Variants in DPYSL4 observed in about 807,000 individuals in gnomAD.
DPYSL4 encodes dihydropyrimidinase like 4.
In DPYSL4, 43 loss-of-function variants were observed where a neutral mutation model predicts 63.4. That is an observed-to-expected ratio of 0.68 (90% CI 0.53 to 0.88). DPYSL4 has a LOEUF of 0.88. DPYSL4 is among the 40% of genes least tolerant of loss of function. The pLI, the probability that DPYSL4 is intolerant of heterozygous loss-of-function variation, is 0.00. For missense variants in DPYSL4, 733 were observed against 819.5 expected (o/e 0.89, Z 1.29); for synonymous variants, 353 against 331.7 (o/e 1.06, Z -0.70).
chr10:132,194,020 C>T (rs1447093034), intron 3 of DPYSL4, among the ~76,000 whole-genome samples: 2 of 152,278 alleles, frequency 1.3e-5, no homozygotes, highest in Non-Finnish European at 2.9e-5. Flanking sequence ...TGCCTCGTGC[C>T]AGTGCCAAGG....
In DPYSL4 at chr10:132,202,757, G is replaced by T. The variant is rs772207382; in HGVS notation, c.1393G>T (p.Ala465Ser). The T allele has an allele frequency of 3.7e-5, 60 of 1,612,950 alleles. No homozygotes were observed. The highest frequency in any genetic ancestry group is 5.0e-5 in the Non-Finnish European group (59 of 1,179,884). The change falls in exon 12 of 14, where the codon GCG (alanine) becomes TCG (serine). Residue 465 changes from alanine (A) to serine (S), a missense_variant. By Grantham distance (99) the Ala-to-Ser change is moderately conservative. Coordinates refer to ENST00000338492, the MANE Select transcript of DPYSL4 (RefSeq NM_006426.3). ...CGGGAAGATGTTTGTCACCCCGGGG[G>T]CGGGCCGCTTCGTCCCTCGGAAAAC... is the stretch of plus-strand genomic sequence containing the variant. ...EDGKMFVTPG[A>S]GRFVPRKTFP...
chr10:132,203,862 C>G lies in DPYSL4; in HGVS notation c.1562C>G (p.Ser521Cys), dbSNP rs373400054. The change falls in exon 13 of 14, where the codon TCC becomes TGC. Residue 521 changes from serine (S) to cysteine (C), a missense_variant. Transcript: ENST00000338492. ...KPGSGAPARA[S>C]CPGKISVPPV... Reference sequence around the variant, plus strand: ...GGGAGTGGCGCTCCGGCCCGCGCGTCCTGCCCAGGCAAGATCTCCGTCCCT... The same window carrying G: ...GGGAGTGGCGCTCCGGCCCGCGCGTGCTGCCCAGGCAAGATCTCCGTCCCT... 27 of 1,612,924 alleles carry G rather than the reference C, an allele frequency of 1.7e-5. No individual in the cohort carries two copies. Among genetic ancestry groups the G allele is most frequent in the Non-Finnish European group, 1.7e-6 (2 of 1,179,798 alleles).
At position 132,200,461 on chromosome 10, in the gene DPYSL4, CT is replaced by C. The variant is rs2061998714; in HGVS notation, c.918del (p.Val307SerfsTer22). On this transcript the variant is annotated frameshift_variant, in exon 9 of 14. Coordinates refer to ENST00000338492, the MANE Select transcript of DPYSL4 (RefSeq NM_006426.3). LOFTEE classifies it high-confidence loss of function. ...AKAAAFVTSP[P>X]VNPDPTTADH... ...GCCGCAGCCTTCGTCACATCACCCC[CT>C]GTCAACCCAGACCCCACCACGGCGG... 2 of 1,612,994 alleles carry C rather than the reference CT, an allele frequency of 1.2e-6. No homozygotes were observed. The highest frequency in any genetic ancestry group is 1.7e-5 in the Admixed American group (1 of 59,984).
chr10:132,197,770 C>T (rs1301693209), intron 6 of DPYSL4, among the ~76,000 whole-genome samples: 2 of 152,178 alleles, frequency 1.3e-5, no homozygotes, highest in Non-Finnish European at 2.9e-5. Flanking sequence ...AAGGTGGTGG[C>T]ACTCGGGCAG....
intron 7 of DPYSL4, among the ~76,000 whole-genome samples, 183 bp from the exon 8 acceptor site, chr10:132,198,668 C>G (rs2061974711): frequency 6.6e-6 from 1 of 152,232 alleles, no homozygotes; most frequent in Non-Finnish European, 1.5e-5. Flanking sequence ...ACCCTACAGC[C>G]TGTACCCGAG....
chr10:132,191,358 T>C (rs973585798), intron 2 of DPYSL4, among the ~76,000 whole-genome samples: 11 of 143,474 alleles, frequency 7.7e-5, no homozygotes, highest in African/African-American at 2.9e-4. Flanking sequence ...GAAAGTATGT[T>C]CCCACCTCTT....
chr10:132,187,316 G>C (rs1279126740), intron 1 of DPYSL4, among the ~76,000 whole-genome samples: 1 of 141,952 alleles, frequency 7.0e-6, no homozygotes, highest in Non-Finnish European at 1.5e-5. Flanking sequence ...TTAAGGAGCG[G>C]GGCGCCCAGG....
At chr10:132,194,725 G>C (rs1055881609) in intron 3 of DPYSL4, 120 bp from the exon 4 acceptor site, 3 of 1,325,592 alleles carry the variant, frequency 2.3e-6, no homozygotes, top group Non-Finnish European at 3.2e-6. Flanking sequence ...GGCCTCTGCT[G>C]TGTCTCCCTC....
rs368882581 is a variant in DPYSL4 at position 132,197,085 on chromosome 10, G to C, written c.605G>C (p.Gly202Ala). The part of the protein sequence containing the change: ...GALAQVHAEN[G>A]DIVEEEQKRL... ...TTGGCCCAGGTGCACGCTGAGAACGGGGACATCGTGGAGGAGGTGCCGTGG... is the reference window on the plus strand; with the variant it reads ...TTGGCCCAGGTGCACGCTGAGAACGCGGACATCGTGGAGGAGGTGCCGTGG... The change falls in exon 6 of 14, where the codon GGG (glycine) becomes GCG (alanine). Residue 202 changes from glycine (G) to alanine (A), a missense_variant. Transcript: ENST00000338492. 10 of 1,529,358 alleles carry C rather than the reference G, an allele frequency of 6.5e-6. No homozygotes were observed. The African/African-American group carries it at 1.2e-4, about 19-fold the overall frequency. 94.7% of individuals were successfully genotyped at this position (1,529,358 alleles called of 1,614,324 possible).
intron 10 of DPYSL4, 110 bp from the exon 11 acceptor site, chr10:132,201,836 G>A (rs1590105065): frequency 8.2e-7 from 1 of 1,218,688 alleles, no homozygotes; most frequent in East Asian, 2.4e-5. Context: ...ACGGGGGCCT[G>A]GTGACCTGGC....
rs530621222 is a variant in DPYSL4, at chr10:132,190,390, G to A, written c.40-357G>A. ...GCAGGATCTCTGAGGCTGCACAGGA[G>A]GCCATGAGGCAGCGTTCGCCTCCCA... On this transcript the variant is annotated intron_variant, in intron 1 of 13. Coordinates refer to ENST00000338492, the MANE Select transcript of DPYSL4 (RefSeq NM_006426.3). Among the ~76,000 whole-genome samples, 8 of 152,362 alleles carry A rather than the reference G, an allele frequency of 5.3e-5. No individual in the cohort carries two copies. The East Asian group carries it at 1.5e-3, about 29-fold the overall frequency.
chr10:132,189,237 G>C (rs1024865511), intron 1 of DPYSL4, among the ~76,000 whole-genome samples: 1 of 152,222 alleles, frequency 6.6e-6, no homozygotes, highest in Non-Finnish European at 1.5e-5. Flanking sequence ...GTGCTGAGGC[G>C]CACGCCAGAC....
intron 8 of DPYSL4, among the ~76,000 whole-genome samples, chr10:132,199,242 T>G (rs1416795963): frequency 3.3e-5 from 5 of 151,576 alleles, no homozygotes; most frequent in Non-Finnish European, 5.9e-5. Context: ...TGGGGGTGGG[T>G]GTGGGGAGAA....
intron 1 of DPYSL4, among the ~76,000 whole-genome samples, chr10:132,189,862 G>A (rs2061851224): frequency 6.6e-6 from 1 of 152,218 alleles, no homozygotes; most frequent in Non-Finnish European, 1.5e-5. Flanking sequence ...CAGTCAGGGG[G>A]CAGCCATGGA....
At chr10:132,202,182 C>G in intron 11 of DPYSL4, 66 bp downstream of exon 11, 1 of 1,562,284 alleles carries the variant, frequency 6.4e-7, no homozygotes, top group Non-Finnish European at 8.7e-7. Flanking sequence ...GCAGCCTTCC[C>G]AGGAGAGGCG....
At chr10:132,197,871 GCCCCGGCTGCACCGT>G (rs1313130009) in intron 6 of DPYSL4, among the ~76,000 whole-genome samples, 1 of 152,220 alleles carries the variant, frequency 6.6e-6, no homozygotes, top group African/African-American at 2.4e-5. Flanking sequence ...CCAAGGCCAG[GCCCCGGCTGCACCGT>G]CAGGAGGTTG....
In DPYSL4 at chr10:132,205,011, C is replaced by T. The variant is rs774496708; in HGVS notation, c.*81C>T. On this transcript the variant is annotated 3_prime_UTR_variant, in exon 14 of 14. Coordinates refer to ENST00000338492, the MANE Select transcript of DPYSL4 (RefSeq NM_006426.3). ...CCAGGGCACTCGCCCCCCTCCTTAG[C>T]ATTTTCTTTTGTAGAAGTTTCTCGA... 8.5e-7 allele frequency: 1 copy of T among 1,182,780 alleles called. No homozygotes were observed. Among genetic ancestry groups the T allele is most frequent in the Non-Finnish European group, 1.2e-6 (1 of 846,424 alleles). 73.3% of individuals were successfully genotyped at this position (1,182,780 alleles called of 1,614,324 possible). A position where few individuals can be genotyped will look rare whatever the true frequency, so the allele number is the denominator to read the frequency against.
intron 8 of DPYSL4, 150 bp from the exon 9 acceptor site, chr10:132,200,205 TC>T: frequency 2.0e-6 from 2 of 1,014,188 alleles, no homozygotes; most frequent in South Asian, 3.2e-5. Flanking sequence ...CTGCCCCACT[TC>T]CTGCCCAGGG....
rs767673953 is a variant in DPYSL4, at chr10:132,196,928, G to A, written c.540+6G>A. On this transcript the variant is annotated splice_donor_region_variant and intron_variant, in intron 5 of 13. Transcript: ENST00000338492. ...GCCAGTGCAGCGACAGCCAGGTAAG[G>A]GCAGGCGTGGGGAACGGAGTGGGCA... 1 of 1,605,996 alleles carries A rather than the reference G, an allele frequency of 6.2e-7. No homozygotes were observed. Among genetic ancestry groups the A allele is most frequent in the South Asian group, 1.1e-5 (1 of 90,810 alleles).
Sources: gnomAD v4.1 joint callset for allele counts (sites outside exome capture counted in the v4.1 genomes callset) on GRCh38, gnomAD v4.1.1 for gene constraint, MANE v1.5 for transcripts, NCBI Gene and HGNC (gene_info 2026-07-23, HGNC 2026-07-21) for gene names.